The following DHRSX variants were observed in gnomAD, a reference collection of about 807,000 sequenced individuals.
DHRSX encodes polyprenol dehydrogenase.
A neutral mutation model predicts 34.0 loss-of-function variants in DHRSX; 31 were observed. That is an observed-to-expected ratio of 0.91 (90% CI 0.69 to 1.23). The LOEUF is 1.23. Among genes scored for constraint, DHRSX ranks in the 50% most tolerant of loss-of-function variants. The pLI, the probability that DHRSX is intolerant of heterozygous loss-of-function variation, is 0.00. For missense variants in DHRSX, 414 were observed against 428.1 expected, an observed-to-expected ratio of 0.97 and a Z score of 0.29; for synonymous variants, 201 against 183.8, an observed-to-expected ratio of 1.09 and a Z score of -0.76.
intron 3 of DHRSX, among the ~76,000 whole-genome samples, chrX:2,302,167 A>G (rs2042020130): frequency 6.6e-6 from 1 of 152,194 alleles, no homozygotes; most frequent in African/African-American, 2.4e-5. Flanking sequence ...TGACCTTGTG[A>G]TCTGAAATAT....
At chrX:2,408,876 C>CAA (rs11388393) in intron 2 of DHRSX, 63 bp from the exon 3 acceptor site, 19,918 of 1,041,380 alleles carry the variant, frequency 0.019, 1 homozygote, top group East Asian at 0.043. Context: ...CTATTAACTG[C>CAA]AAAAAAAAAA....
rs190745566 is a variant in DHRSX, at chrX:2,266,730, G to T, written c.596+10C>A. The T allele has an allele frequency of 8.3e-4, 1,332 of 1,613,578 alleles. 10 individuals are homozygous for T. In the African/African-American group the frequency reaches 0.015, roughly 18 times the overall value. ...AGATGCTGTTATGATTATTCACAGG[G>T]TGCACCTACCTGCTCTGAAGGTCAT... On this transcript the variant is annotated intron_variant, in intron 5 of 6. Coordinates refer to ENST00000334651, the MANE Select transcript of DHRSX (RefSeq NM_145177.3).
chrX:2,246,265 C>T (rs1194403208), intron 5 of DHRSX, among the ~76,000 whole-genome samples: 3 of 152,102 alleles, frequency 2.0e-5, no homozygotes, highest in Non-Finnish European at 2.9e-5. Context: ...TCATCATATG[C>T]GTTTCAGAAA....
At chrX:2,357,960 A>G (rs768350105) in intron 3 of DHRSX, among the ~76,000 whole-genome samples, 1 of 152,276 alleles carries the variant, frequency 6.6e-6, no homozygotes, top group East Asian at 1.9e-4. Flanking sequence ...TCCTCTCTAC[A>G]AAACGCTTAT....
chrX:2,321,265 G>C (rs895347886), intron 3 of DHRSX, among the ~76,000 whole-genome samples: 1 of 152,214 alleles, frequency 6.6e-6, no homozygotes, highest in East Asian at 1.9e-4. Context: ...TACAGAACCC[G>C]GCTCCATTGC....
chrX:2,299,933 C>T (rs2041991995), intron 3 of DHRSX, among the ~76,000 whole-genome samples: 1 of 151,648 alleles, frequency 6.6e-6, no homozygotes, highest in African/African-American at 2.4e-5. Flanking sequence ...GTCAGAAATA[C>T]AGATTTCTGA....
intron 1 of DHRSX, among the ~76,000 whole-genome samples, chrX:2,429,669 C>T (rs932304651): frequency 1.2e-4 from 18 of 152,004 alleles, no homozygotes; most frequent in East Asian, 5.8e-4. Flanking sequence ...TTGCCCAGAC[C>T]GGTCTTGATC....
chrX:2,221,273 A>G (rs747385529), intron 6 of DHRSX, 44 bp from the exon 7 acceptor site: 1 of 1,588,108 alleles, frequency 6.3e-7, no homozygotes, highest in Non-Finnish European at 8.6e-7. Context: ...CAAATTTCTG[A>G]GCAGGAAACA....
intron 1 of DHRSX, among the ~76,000 whole-genome samples, chrX:2,459,412 T>C (rs1216631826): frequency 6.6e-6 from 1 of 151,702 alleles, no homozygotes; most frequent in African/African-American, 2.4e-5. Flanking sequence ...AATATGTTAA[T>C]TCACTTAATT....
At position 2,465,270 on chromosome X, in the gene DHRSX, C is replaced by T. The variant is rs1225188591; in HGVS notation, c.109+35547G>A. Among the ~76,000 whole-genome samples, 10 of 152,292 alleles carry T rather than the reference C, an allele frequency of 6.6e-5. No homozygotes were observed. The East Asian group carries it at 1.9e-3, about 29-fold the overall frequency. ...TCTTCAGGGCGCCTCCATGACTAGC[C>T]ACGAACCCAGCTAGGTGAGCCACGG... On this transcript the variant is annotated intron_variant, in intron 1 of 6. Transcript: ENST00000334651.
intron 3 of DHRSX, among the ~76,000 whole-genome samples, chrX:2,358,950 GAAAAA>G (rs57856874): frequency 4.0e-5 from 5 of 124,530 alleles, no homozygotes; most frequent in Admixed American, 1.7e-4. Flanking sequence ...CTCTGTCTCG[GAAAAA>G]AAAAAAAAAA....
chrX:2,382,768 T>TCATCAC, intron 3 of DHRSX, among the ~76,000 whole-genome samples: 1 of 107,966 alleles, frequency 9.3e-6, no homozygotes, highest in Admixed American at 9.2e-5. Context: ...ATCATCATCA[T>TCATCAC]CATCACCATC....
At chrX:2,485,732 A>C in intron 1 of DHRSX, among the ~76,000 whole-genome samples, 1 of 71,970 alleles carries the variant, frequency 1.4e-5, no homozygotes, top group African/African-American at 7.5e-5. Context: ...AGGAAGGGAG[A>C]AAAGGGAGAG....
At chrX:2,361,494 C>T (rs1168072269) in intron 3 of DHRSX, among the ~76,000 whole-genome samples, 2 of 152,154 alleles carry the variant, frequency 1.3e-5, no homozygotes, top group African/African-American at 4.8e-5. Flanking sequence ...CAACTGCTTA[C>T]CAAGGTCTTA....
intron 3 of DHRSX, among the ~76,000 whole-genome samples, chrX:2,322,673 C>T (rs78764767): frequency 0.52 from 72,363 of 138,648 alleles, 17,875 homozygotes; most frequent in Middle Eastern, 0.58. Flanking sequence ...TGCGCCACCA[C>T]GCCCGGCTAA....
intron 1 of DHRSX, among the ~76,000 whole-genome samples, chrX:2,460,186 G>A (rs1232180791): frequency 6.6e-6 from 1 of 152,094 alleles, no homozygotes; most frequent in Non-Finnish European, 1.5e-5. Flanking sequence ...AGCACACGAG[G>A]TCCTCTCACA....
chrX:2,474,409 T>C (rs762605394), intron 1 of DHRSX, among the ~76,000 whole-genome samples: 1 of 151,518 alleles, frequency 6.6e-6, no homozygotes, highest in Admixed American at 6.6e-5. Flanking sequence ...TCCCTAAGTA[T>C]GTGGCTAAGG....
chrX:2,393,724 C>A (rs868832631), intron 3 of DHRSX, among the ~76,000 whole-genome samples: 349 of 81,614 alleles, frequency 4.3e-3, no homozygotes, highest in Non-Finnish European at 7.0e-3. Context: ...CAGGGACCTC[C>A]CCGTCTCCTG....
At chrX:2,497,207 C>T (rs1435265683) in intron 1 of DHRSX, among the ~76,000 whole-genome samples, 1 of 152,018 alleles carries the variant, frequency 6.6e-6, no homozygotes, top group Non-Finnish European at 1.5e-5. Flanking sequence ...CCAGCCTGAC[C>T]AACATGGAGA....
Sources: allele counts gnomAD v4.1 joint callset (sites outside exome capture counted in the v4.1 genomes callset), GRCh38; gene constraint gnomAD v4.1.1; transcripts MANE v1.5; gene names NCBI Gene and HGNC (gene_info 2026-07-23, HGNC 2026-07-21).